The following AUTS2 variants were observed in gnomAD, a reference collection of about 807,000 sequenced individuals.
AUTS2 encodes activator of transcription and developmental regulator AUTS2, also known as autism susceptibility gene 2 protein.
A neutral mutation model predicts 112.4 loss-of-function variants in AUTS2; 17 were observed. That is an observed-to-expected ratio of 0.15 (90% CI 0.10 to 0.23). AUTS2 has a LOEUF of 0.23. Among genes scored for constraint, AUTS2 ranks in the 10% least tolerant of loss-of-function variants. AUTS2 has a pLI of 1.00. For synonymous variants in AUTS2, 751 were observed against 702.7 expected, an observed-to-expected ratio of 1.07 and a Z score of -1.09; for missense variants, 1,510 against 1,701.6, an observed-to-expected ratio of 0.89 and a Z score of 1.98.
intron 2 of AUTS2, among the ~76,000 whole-genome samples, chr7:69,961,128 G>T (rs1247509824): frequency 6.6e-6 from 1 of 152,082 alleles, no homozygotes; most frequent in East Asian, 1.9e-4. Context: ...CTGTTTTCAT[G>T]CACCAGATAC....
chr7:70,580,789 T>A (rs1802397831), intron 5 of AUTS2, among the ~76,000 whole-genome samples: 1 of 152,184 alleles, frequency 6.6e-6, no homozygotes, highest in South Asian at 2.1e-4. Flanking sequence ...ACAGGAAGTT[T>A]TACGTTGTGT....
chr7:70,616,978 C>T (rs928679783), intron 5 of AUTS2, among the ~76,000 whole-genome samples: 32 of 152,238 alleles, frequency 2.1e-4, no homozygotes, highest in African/African-American at 7.5e-4. Context: ...TAGTCATGGG[C>T]TATGTATCAC....
intron 2 of AUTS2, among the ~76,000 whole-genome samples, chr7:69,961,739 A>G (rs1797437962): frequency 6.6e-6 from 1 of 152,150 alleles, no homozygotes; most frequent in East Asian, 1.9e-4. Context: ...GTTTACAGAG[A>G]TAGAGCCCAT....
At chr7:69,775,067 T>G (rs1788832809) in intron 1 of AUTS2, among the ~76,000 whole-genome samples, 1 of 152,154 alleles carries the variant, frequency 6.6e-6, no homozygotes, top group Non-Finnish European at 1.5e-5. Context: ...TTTTTTGTAT[T>G]TTTTTTATTG....
intron 4 of AUTS2, among the ~76,000 whole-genome samples, chr7:70,210,132 G>T (rs959053094): frequency 2.0e-5 from 3 of 152,138 alleles, no homozygotes; most frequent in African/African-American, 7.2e-5. Context: ...TTTCTCCCCA[G>T]GGTACTTGCA....
At chr7:70,184,484 A>G (rs954759741) in intron 4 of AUTS2, among the ~76,000 whole-genome samples, 1 of 152,140 alleles carries the variant, frequency 6.6e-6, no homozygotes, top group African/African-American at 2.4e-5. Context: ...GAACATGACT[A>G]CTTGGTTATG....
rs1399792497 is a variant in AUTS2 at position 70,754,148 on chromosome 7, G to A, written c.743-8722G>A. ...TGCACTCCAGCCTGGGCGACAGAGC[G>A]AGACTCTGTCTCAAAATAGAATAAA... On this transcript the variant is annotated intron_variant, in intron 6 of 18. Transcript: ENST00000342771. Among the ~76,000 whole-genome samples the A allele has an allele frequency of 3.3e-5, 5 of 151,862 alleles. No individual in the cohort carries two copies. The South Asian group carries it at 6.2e-4, about 19-fold the overall frequency.
rs1792259402 is a variant in AUTS2, at chr7:69,599,665, G to A, written c.12G>A (p.Pro4=). The change falls in exon 1 of 19, where the codon CCG becomes CCA. Residue 4 remains proline (P), a synonymous_variant. Transcript: ENST00000342771. The surrounding 1 kb of genome is among the most constrained non-coding windows in gnomAD (Gnocchi z 7.0). ...GGCGCAGCAGAACCATGGATGGCCC[G>A]ACGCGGGGCCATGGACTCCGCAAAA... MDG[P]TRGHGLRKKR... is the part of the protein sequence containing the mutation. The A allele has an allele frequency of 2.3e-6, 3 of 1,304,922 alleles. No homozygotes were observed. Among genetic ancestry groups the A allele is most frequent in the South Asian group, 2.7e-5 (1 of 37,146 alleles). The allele number at this position is 1,304,922 out of a possible 1,614,324, so 80.8% of individuals were successfully genotyped here.
intron 1 of AUTS2, among the ~76,000 whole-genome samples, chr7:69,822,817 G>C (rs1325201645): frequency 6.6e-6 from 1 of 152,156 alleles, no homozygotes; most frequent in African/African-American, 2.4e-5. Context: ...CTTGAGTCCT[G>C]ATCCCATGAG....
rs530168346 is a variant in AUTS2, at chr7:69,631,716, C to T, written c.309+31754C>T. Among the ~76,000 whole-genome samples, 6 of 152,310 alleles carry T rather than the reference C, an allele frequency of 3.9e-5. No individual in the cohort carries two copies. The South Asian group carries it at 1.0e-3, about 26-fold the overall frequency. On this transcript the variant is annotated intron_variant, in intron 1 of 18. Coordinates refer to ENST00000342771, the MANE Select transcript of AUTS2 (RefSeq NM_015570.4). ...TTAATTCCAAAATAACTTTGCCAGC[C>T]GTACAGCTGATACATTCTTCTTTAT...
At chr7:70,483,316 C>G (rs763510440) in intron 5 of AUTS2, among the ~76,000 whole-genome samples, 2 of 152,202 alleles carry the variant, frequency 1.3e-5, no homozygotes, top group Non-Finnish European at 2.9e-5. Context: ...CAGCGTTTGA[C>G]CTGCTAGGGT....
At chr7:70,252,037 T>G in intron 4 of AUTS2, among the ~76,000 whole-genome samples, 1 of 152,224 alleles carries the variant, frequency 6.6e-6, no homozygotes, top group Admixed American at 6.5e-5. Context: ...AATAGGCATA[T>G]TCTCTTACCT....
chr7:69,707,757 T>C (rs1798132887), intron 1 of AUTS2, among the ~76,000 whole-genome samples: 1 of 152,222 alleles, frequency 6.6e-6, no homozygotes, highest in South Asian at 2.1e-4. Context: ...TGGGAGAACA[T>C]GATACCTACC....
intron 5 of AUTS2, among the ~76,000 whole-genome samples, chr7:70,560,295 C>A (rs1003683318): frequency 6.6e-6 from 1 of 152,220 alleles, no homozygotes; most frequent in South Asian, 2.1e-4. Context: ...TAGACAGACA[C>A]ACCCACACAT....
At chr7:70,755,803 T>G (rs183239158) in intron 6 of AUTS2, among the ~76,000 whole-genome samples, 68 of 152,204 alleles carry the variant, frequency 4.5e-4, no homozygotes, top group Non-Finnish European at 6.6e-4. Flanking sequence ...CTTTTTTTAC[T>G]TTAACAATAA....
At chr7:70,208,157 A>G (rs1256746246) in intron 4 of AUTS2, among the ~76,000 whole-genome samples, 2 of 152,218 alleles carry the variant, frequency 1.3e-5, no homozygotes, top group Non-Finnish European at 2.9e-5. Context: ...ACAAGTAAGA[A>G]GGTATTTAAG....
intron 1 of AUTS2, among the ~76,000 whole-genome samples, chr7:69,610,112 A>C (rs1744306150): frequency 6.6e-6 from 1 of 152,270 alleles, no homozygotes; most frequent in Non-Finnish European, 1.5e-5. Flanking sequence ...GATTTGCAGC[A>C]GCCATGGAAT....
At chr7:70,001,325 C>A (rs146912501) in intron 2 of AUTS2, among the ~76,000 whole-genome samples, 110 of 152,200 alleles carry the variant, frequency 7.2e-4, no homozygotes, top group African/African-American at 2.6e-3. Context: ...GGGGAATCAT[C>A]ATGTTGTCCA....
chr7:69,602,636 C>T (rs981868274), intron 1 of AUTS2, among the ~76,000 whole-genome samples: 3 of 152,020 alleles, frequency 2.0e-5, no homozygotes, highest in Admixed American at 6.5e-5. Context: ...ATCCTCAGAC[C>T]CCACCAAAAC....
Sources: allele counts gnomAD v4.1 joint callset (sites outside exome capture counted in the v4.1 genomes callset), GRCh38; gene constraint gnomAD v4.1.1; non-coding constraint Gnocchi (gnomAD v3.1); transcripts MANE v1.5; gene names NCBI Gene and HGNC (gene_info 2026-07-23, HGNC 2026-07-21).